The following VASN variants were observed in gnomAD, a reference collection of about 807,000 sequenced individuals.
VASN encodes protein slit-like 2.
In VASN, 5 loss-of-function variants were observed where a neutral mutation model predicts 4.8. The observed-to-expected ratio is 1.03, with a 90% CI of 0.54 to 2.17. The LOEUF (loss-of-function observed/expected upper bound fraction) is 2.17, where lower values mean the gene tolerates loss of function less well. Among genes scored for constraint, VASN ranks in the 30% most tolerant of loss-of-function variants. The probability of loss-of-function intolerance (pLI) is 0.01; values close to 1 mark genes in which losing one functional copy is unlikely to be tolerated. For synonymous variants in VASN, 499 were observed against 460.8 expected, an observed-to-expected ratio of 1.08 and a Z score of -1.06; for missense variants, 927 against 948.8, an observed-to-expected ratio of 0.98 and a Z score of 0.30.
At chr16:4,374,268 A>G (rs2054636784) in intron 1 of VASN, among the ~76,000 whole-genome samples, 1 of 151,978 alleles carries the variant, frequency 6.6e-6, no homozygotes, top group African/African-American at 2.4e-5. Flanking sequence ...ATCGGTTTCC[A>G]CATTCCAGAG....
chr16:4,376,315 C>T (rs759041795), intron 1 of VASN, among the ~76,000 whole-genome samples: 29 of 152,234 alleles, frequency 1.9e-4, no homozygotes, highest in Non-Finnish European at 3.8e-4. Flanking sequence ...GTCCCGCCTG[C>T]CTGGAGGGGT....
chr16:4,376,925 C>T (rs552576475), intron 1 of VASN, among the ~76,000 whole-genome samples: 2 of 152,352 alleles, frequency 1.3e-5, no homozygotes, highest in South Asian at 2.1e-4. Context: ...GCCCAGGGGG[C>T]AGGCAGAGTT....
chr16:4,372,586 C>T (rs577791979), intron 1 of VASN, among the ~76,000 whole-genome samples: 3 of 152,302 alleles, frequency 2.0e-5, no homozygotes, highest in East Asian at 1.9e-4. Context: ...GGCAGGGTGC[C>T]GGGTCTCTGC....
At chr16:4,376,537 C>T (rs993085392) in intron 1 of VASN, among the ~76,000 whole-genome samples, 4 of 152,150 alleles carry the variant, frequency 2.6e-5, no homozygotes, top group Non-Finnish European at 5.9e-5. Context: ...GCAGGCACAC[C>T]GCCTGCCCCA....
chr16:4,381,978 G>T lies in VASN; in HGVS notation c.1101G>T (p.Glu367Asp). 3 of 1,607,998 alleles carry T rather than the reference G, an allele frequency of 1.9e-6. No individual in the cohort carries two copies. Among genetic ancestry groups the T allele is most frequent in the Non-Finnish European group, 2.5e-6 (3 of 1,178,580 alleles). ...CCACCACGAGGCCCGTGGTGCGGGA[G>T]CCCACAGCCTTGTCTTCTAGCTTGG... ...TVPTTRPVVR[E>D]PTALSSSLAP... The change falls in exon 2 of 2, where the codon GAG becomes GAT. Residue 367 changes from glutamate to aspartate, a missense_variant. Coordinates refer to ENST00000304735, the MANE Select transcript of VASN (RefSeq NM_138440.3).
In VASN at chr16:4,380,927, TG is replaced by T; in HGVS notation, c.54del (p.Pro19LeufsTer89). 1 of 1,582,246 alleles carries T rather than the reference TG, an allele frequency of 6.3e-7. No homozygotes were observed. Among genetic ancestry groups the T allele is most frequent in the Non-Finnish European group, 8.6e-7 (1 of 1,168,314 alleles). ...CTGCCGCTGCTCCTGCTACTGGCCC[TG>T]GGGCCTGGGGTGCAGGGCTGCCCAT... is the stretch of plus-strand genomic sequence containing the variant. ...LLLPLLLLLALGPGVQGCPSG... is the reference protein window; with the variant it reads ...LLLPLLLLLAXGPGVQGCPSG... On this transcript the variant is annotated frameshift_variant, in exon 2 of 2. Transcript: ENST00000304735. LOFTEE classifies it low-confidence loss of function (END_TRUNC).
rs142609070 is a variant in VASN at position 4,383,175 on chromosome 16, C to T, written c.*276C>T. The T allele has an allele frequency of 2.4e-5, 10 of 412,980 alleles. No homozygotes were observed. The highest frequency in any genetic ancestry group is 1.0e-4 in the African/African-American group (5 of 48,194). 25.6% of individuals were successfully genotyped at this position (412,980 alleles called of 1,614,324 possible). ...CGCAACGTGCAGTCCCTGGGCACGGCGGGCCCTGCCATGTGCTGGTAACGC... is the reference window on the plus strand; with the variant it reads ...CGCAACGTGCAGTCCCTGGGCACGGTGGGCCCTGCCATGTGCTGGTAACGC... On this transcript the variant is annotated 3_prime_UTR_variant, in exon 2 of 2. Transcript: ENST00000304735.
chr16:4,380,419 G>A (rs2054914556), intron 1 of VASN, among the ~76,000 whole-genome samples: 1 of 152,278 alleles, frequency 6.6e-6, no homozygotes, highest in South Asian at 2.1e-4. Flanking sequence ...GGCAGCAGGA[G>A]CCGGCGGCCA....
Position 4,382,971 on chromosome 16 carries a change from A to G in VASN, c.*72A>G. On this transcript the variant is annotated 3_prime_UTR_variant, in exon 2 of 2. Transcript: ENST00000304735. ...ATGGCCAGCCCCCTCCTGCTGCCAC[A>G]CCACGTAAGTTCTCAGTCCCAACCT... is the stretch of plus-strand genomic sequence containing the variant. 7.1e-7 allele frequency: 1 copy of G among 1,418,428 alleles called. No individual in the cohort carries two copies. The highest frequency in any genetic ancestry group is 1.5e-5 in the South Asian group (1 of 66,722). The allele number at this position is 1,418,428 out of a possible 1,614,324, so 87.9% of individuals were successfully genotyped here.
At chr16:4,379,765 G>A (rs761490839) in intron 1 of VASN, among the ~76,000 whole-genome samples, 1 of 151,878 alleles carries the variant, frequency 6.6e-6, no homozygotes, top group South Asian at 2.1e-4. Context: ...AGACGAAGCC[G>A]GGCACGGTGG....
intron 1 of VASN, among the ~76,000 whole-genome samples, chr16:4,379,538 A>G (rs1442626633): frequency 6.6e-6 from 1 of 152,120 alleles, no homozygotes; most frequent in African/African-American, 2.4e-5. Context: ...TGGCACCGCA[A>G]TGGCAGCGAG....
intron 1 of VASN, among the ~76,000 whole-genome samples, chr16:4,373,036 C>T (rs1363128702): frequency 1.3e-5 from 2 of 152,052 alleles, no homozygotes; most frequent in African/African-American, 2.4e-5. Context: ...GAGGGGTGGC[C>T]GGGCTGGGAC....
At position 4,374,540 on chromosome 16, in the gene VASN, G is replaced by A. The variant is rs192979496; in HGVS notation, c.-10+2547G>A. 5.6e-3 allele frequency among the ~76,000 whole-genome samples: 850 copies of A among 152,174 alleles called. 4 individuals are homozygous for A. The highest frequency in any genetic ancestry group is 0.019 in the African/African-American group (805 of 41,522). On this transcript the variant is annotated intron_variant, in intron 1 of 1. Coordinates refer to ENST00000304735, the MANE Select transcript of VASN (RefSeq NM_138440.3). ...TTAATTAAGGAGGGAGGAGGGAGCC[G>A]GCCTACACCGGGAAGGGGCTGGGGC...
chr16:4,373,608 G>A lies in VASN; in HGVS notation c.-10+1615G>A, dbSNP rs1251738612. Among the ~76,000 whole-genome samples, 4 of 152,192 alleles carry A rather than the reference G, an allele frequency of 2.6e-5. No homozygotes were observed. The East Asian group carries it at 7.7e-4, about 29-fold the overall frequency. On this transcript the variant is annotated intron_variant, in intron 1 of 1. Coordinates refer to ENST00000304735, the MANE Select transcript of VASN (RefSeq NM_138440.3). ...GGGCCAGGGAGATGGCAAGGGAGAT[G>A]CCCCGGGCAGGAGATGGGTCCGCGG...
intron 1 of VASN, among the ~76,000 whole-genome samples, chr16:4,377,104 G>A (rs1208361722): frequency 1.3e-5 from 2 of 152,134 alleles, no homozygotes; most frequent in Non-Finnish European, 2.9e-5. Flanking sequence ...GGACCCTGTC[G>A]CCCTATGCCA....
Position 4,380,983 on chromosome 16 carries a change from G to A in VASN, c.106G>A (p.Val36Ile), listed in dbSNP as rs1468719481. Residue 36 changes from valine (V) to isoleucine (I), a missense_variant, in exon 2 of 2, where the codon GTC (valine) becomes ATC (isoleucine). Coordinates refer to ENST00000304735, the MANE Select transcript of VASN (RefSeq NM_138440.3). ...CTGCCAGTGCAGCCAGCCACAGACAGTCTTCTGCACTGCCCGCCAGGGGAC... is the reference window on the plus strand; with the variant it reads ...CTGCCAGTGCAGCCAGCCACAGACAATCTTCTGCACTGCCCGCCAGGGGAC... The part of the protein sequence containing the change: ...SGCQCSQPQT[V>I]FCTARQGTTV... 1.2e-6 allele frequency: 2 copies of A among 1,608,164 alleles called. No homozygotes were observed. The highest frequency in any genetic ancestry group is 1.1e-5 in the South Asian group (1 of 90,542).
chr16:4,378,319 G>A (rs1596301726), intron 1 of VASN, among the ~76,000 whole-genome samples: 1 of 151,948 alleles, frequency 6.6e-6, no homozygotes, highest in South Asian at 2.1e-4. Context: ...CGAGGCCCAA[G>A]GGGAGCTGCG....
At chr16:4,378,415 G>C (rs998113707) in intron 1 of VASN, among the ~76,000 whole-genome samples, 1 of 152,032 alleles carries the variant, frequency 6.6e-6, no homozygotes, top group Non-Finnish European at 1.5e-5. Context: ...TCCTGACCCT[G>C]GTCTGGCCCT....
Position 4,382,987 on chromosome 16 carries a change from G to T in VASN, c.*88G>T. On this transcript the variant is annotated 3_prime_UTR_variant, in exon 2 of 2. Transcript: ENST00000304735. Reference sequence around the variant, plus strand: ...TGCTGCCACACCACGTAAGTTCTCAGTCCCAACCTCGGGGATGTGTGCAGA... The same window carrying T: ...TGCTGCCACACCACGTAAGTTCTCATTCCCAACCTCGGGGATGTGTGCAGA... 1 of 1,364,408 alleles carries T rather than the reference G, an allele frequency of 7.3e-7. No homozygotes were observed. The highest frequency in any genetic ancestry group is 2.3e-4 in the Middle Eastern group (1 of 4,334). 84.5% of individuals were successfully genotyped at this position (1,364,408 alleles called of 1,614,324 possible). A position where few individuals can be genotyped will look rare whatever the true frequency, so the allele number is the denominator to read the frequency against.
Sources: gnomAD v4.1 joint callset for allele counts (sites outside exome capture counted in the v4.1 genomes callset) on GRCh38, gnomAD v4.1.1 for gene constraint, MANE v1.5 for transcripts, NCBI Gene and HGNC (gene_info 2026-07-23, HGNC 2026-07-21) for gene names.